The following HERC4 variants were observed in gnomAD, a reference collection of about 807,000 sequenced individuals.
HERC4 encodes the protein probable E3 ubiquitin-protein ligase HERC4.
HERC4 carries 28 observed loss-of-function variants against 124.3 expected under a neutral mutation model. That is an observed-to-expected ratio of 0.23 (90% confidence interval 0.17 to 0.31). The LOEUF is 0.31. Among genes scored for constraint, HERC4 ranks in the 10% least tolerant of loss-of-function variants. The probability of loss-of-function intolerance (pLI) is 1.00; values close to 1 mark genes in which losing one functional copy is unlikely to be tolerated. For synonymous variants in HERC4, 407 were observed against 421.5 expected (o/e 0.97, Z 0.42); for missense variants, 713 against 1,229.3 (o/e 0.58, Z 6.28).
intron 19 of HERC4, among the ~76,000 whole-genome samples, chr10:67,945,908 A>G (rs1222012773): frequency 6.8e-6 from 1 of 147,908 alleles, no homozygotes; most frequent in Non-Finnish European, 1.5e-5. Flanking sequence ...TGGAATAGGA[A>G]GGAAGGAAGG....
intron 5 of HERC4, among the ~76,000 whole-genome samples, chr10:68,035,933 T>C (rs1319316472): frequency 3.3e-5 from 5 of 152,194 alleles, no homozygotes; most frequent in African/African-American, 9.6e-5. Context: ...TATATCATTA[T>C]TGAATGACTA....
chr10:68,047,572 C>T (rs183335040), intron 3 of HERC4, among the ~76,000 whole-genome samples: 102 of 152,310 alleles, frequency 6.7e-4, no homozygotes, highest in African/African-American at 2.4e-3. Context: ...AAGACCAAAA[C>T]TGACACCTCA....
chr10:68,001,729 T>C (rs1328105713), intron 9 of HERC4, among the ~76,000 whole-genome samples: 4 of 152,178 alleles, frequency 2.6e-5, no homozygotes, highest in Non-Finnish European at 5.9e-5. Flanking sequence ...CGTACCCTCC[T>C]CCCTCTAGGA....
At chr10:67,983,519 C>G (rs980830822) in intron 15 of HERC4, among the ~76,000 whole-genome samples, 19 of 152,052 alleles carry the variant, frequency 1.2e-4, no homozygotes, top group Admixed American at 2.0e-4. Context: ...GTGGCTTGTG[C>G]CTGTAATCCC....
intron 8 of HERC4, among the ~76,000 whole-genome samples, 154 bp from the exon 9 acceptor site, chr10:68,014,340 A>G (rs1007530482): frequency 6.6e-6 from 1 of 152,238 alleles, no homozygotes; most frequent in African/African-American, 2.4e-5. Context: ...AATATTCATT[A>G]ACAGACTTAA....
chr10:68,012,817 A>C (rs930599420), intron 9 of HERC4, among the ~76,000 whole-genome samples: 1 of 152,232 alleles, frequency 6.6e-6, no homozygotes, highest in African/African-American at 2.4e-5. Flanking sequence ...AGTATCAAAA[A>C]TTGAGTAAAG....
chr10:67,959,154 A>G, intron 16 of HERC4: 1 of 1,579,470 alleles, frequency 6.3e-7, no homozygotes, highest in Non-Finnish European at 8.6e-7. Context: ...AGCAGTGCAG[A>G]ATATAACAAT....
chr10:68,072,904 C>T lies in HERC4; in HGVS notation c.205G>A (p.Glu69Lys), dbSNP rs2041640430. ...GCNDLGQLGH[E>K]KSRKKPEQVV... Reference sequence around the variant, plus strand: ...TTACCTGGTTTCTTTCTGGATTTTTCATGACCTAGCTGTCCTAGATCATTA... The same window carrying T: ...TTACCTGGTTTCTTTCTGGATTTTTTATGACCTAGCTGTCCTAGATCATTA... Residue 69 changes from glutamate (E) to lysine (K), a missense_variant, in exon 3 of 25, where the codon GAA becomes AAA. Physicochemically the swap from Glu to Lys is moderately conservative, Grantham distance 56. Coordinates refer to ENST00000373700, the MANE Select transcript of HERC4 (RefSeq NM_015601.4). 1.9e-6 allele frequency: 3 copies of T among 1,571,722 alleles called. No homozygotes were observed. In the Admixed American group the frequency reaches 5.7e-5, roughly 30 times the overall value.
rs2132307955 is a variant in HERC4 at position 67,955,363 on chromosome 10, G to A, written c.2026-233C>T. 7.4e-6 allele frequency: 3 copies of A among 407,738 alleles called. No individual in the cohort carries two copies. The South Asian group carries it at 9.8e-5, about 13-fold the overall frequency. The allele number at this position is 407,738 out of a possible 1,614,324, so 25.3% of individuals were successfully genotyped here. A position where few individuals can be genotyped will look rare whatever the true frequency, so the allele number is the denominator to read the frequency against. On this transcript the variant is annotated intron_variant, in intron 17 of 24. Coordinates refer to ENST00000373700, the MANE Select transcript of HERC4 (RefSeq NM_015601.4). ...TAATGTATAACTCATAACACCATTA[G>A]AGTAAGCCAGTACAGAACGGTAGTA... is the stretch of plus-strand genomic sequence containing the variant.
chr10:68,038,454 T>C (rs2039590901), intron 4 of HERC4: 2 of 237,414 alleles, frequency 8.4e-6, no homozygotes, highest in Non-Finnish European at 1.6e-5. Flanking sequence ...CAGAGTGCTC[T>C]TATAATTCAG....
intron 23 of HERC4, 115 bp from the exon 24 acceptor site, chr10:67,925,302 C>A (rs1253718349): frequency 5.6e-6 from 3 of 540,246 alleles, no homozygotes; most frequent in African/African-American, 2.0e-5. Context: ...GGATTGCCCA[C>A]TGTTTTCTGG....
At chr10:68,047,231 A>T (rs565507265) in intron 3 of HERC4, among the ~76,000 whole-genome samples, 122 of 151,570 alleles carry the variant, frequency 8.0e-4, no homozygotes, top group Admixed American at 2.8e-3. Context: ...AATTCGCATG[A>T]CAAGTGGGTA....
chr10:68,061,532 C>CA (rs59169970), intron 3 of HERC4, among the ~76,000 whole-genome samples: 1,904 of 13,916 alleles, frequency 0.14, 461 homozygotes, highest in East Asian at 0.39. Context: ...GACTCCGTCT[C>CA]AAAAAAAAAA....
rs534663423 is a variant in HERC4 at position 67,957,307 on chromosome 10, G to A, written c.1927-331C>T. ...AATTGGGGGCTCCTATGTTAAATGC[G>A]ATAGCCAATTCTTACATGTTAGGGC... On this transcript the variant is annotated intron_variant, in intron 16 of 24. Coordinates refer to ENST00000373700, the MANE Select transcript of HERC4 (RefSeq NM_015601.4). 6.6e-5 allele frequency among the ~76,000 whole-genome samples: 10 copies of A among 152,238 alleles called. No homozygotes were observed. The East Asian group carries it at 1.4e-3, about 21-fold the overall frequency.
chr10:68,069,631 C>G (rs1169259139), intron 3 of HERC4: 2 of 984,914 alleles, frequency 2.0e-6, no homozygotes, highest in African/African-American at 3.5e-5. Context: ...ATAAGGCTAC[C>G]TCTTTCTCCT....
At position 68,073,176 on chromosome 10, in the gene HERC4, G is replaced by T; in HGVS notation, c.-68C>A. On this transcript the variant is annotated 5_prime_UTR_variant, in exon 3 of 25. Transcript: ENST00000373700. The stretch of plus-strand genomic sequence containing the variant: ...CTTCTGAAACCCCGGAAAGTTGGAG[G>T]TACCCTATGTCTGAGGAAATAGAAA... 1 of 1,221,692 alleles carries T rather than the reference G, an allele frequency of 8.2e-7. No individual in the cohort carries two copies. The highest frequency in any genetic ancestry group is 1.2e-6 in the Non-Finnish European group (1 of 848,316). 75.7% of individuals were successfully genotyped at this position (1,221,692 alleles called of 1,614,324 possible).
chr10:68,038,114 G>T lies in HERC4; in HGVS notation c.442C>A (p.His148Asn). The T allele has an allele frequency of 6.6e-7, 1 of 1,525,560 alleles. No homozygotes were observed. The highest frequency in any genetic ancestry group is 8.8e-7 in the Non-Finnish European group (1 of 1,137,378). The allele number at this position is 1,525,560 out of a possible 1,614,324, so 94.5% of individuals were successfully genotyped here. A position where few individuals can be genotyped will look rare whatever the true frequency, so the allele number is the denominator to read the frequency against. ...TTACCTTTAGAAAGTGCAAGTGAAT[G>T]ATAGTAACCACAAGCAACCTGTACA... ...QIVQVACGYY[H>N]SLALSKASEV... Residue 148 changes from histidine (H) to asparagine (N), a missense_variant, in exon 5 of 25, where the codon CAT becomes AAT. Physicochemically the swap from His to Asn is moderately conservative, Grantham distance 68. Transcript: ENST00000373700.
chr10:67,954,760 A>C, intron 18 of HERC4, 22 bp from the exon 19 acceptor site: 1 of 1,605,176 alleles, frequency 6.2e-7, no homozygotes, highest in Non-Finnish European at 8.5e-7. Flanking sequence ...CAATGCAAAC[A>C]CCAAATAGAC....
chr10:68,067,453 G>A (rs1229361644), intron 3 of HERC4, among the ~76,000 whole-genome samples: 1 of 152,196 alleles, frequency 6.6e-6, no homozygotes, highest in Non-Finnish European at 1.5e-5. Context: ...AACGCAATGA[G>A]CTTCTTTGGT....
Sources: allele counts gnomAD v4.1 joint callset (sites outside exome capture counted in the v4.1 genomes callset), GRCh38; gene constraint gnomAD v4.1.1; transcripts MANE v1.5; gene names NCBI Gene and HGNC (gene_info 2026-07-23, HGNC 2026-07-21).